Variants in AP2A2 observed in about 807,000 individuals in gnomAD.
The protein encoded by AP2A2 is AP-2 complex subunit alpha-2.
In AP2A2, 32 loss-of-function variants were observed where a neutral mutation model predicts 104.2. That is an observed-to-expected ratio of 0.31 (90% CI 0.23 to 0.41). The LOEUF (loss-of-function observed/expected upper bound fraction) is 0.41, where lower values mean the gene tolerates loss of function less well. Ranked by LOEUF, AP2A2 falls within the 10% of genes least tolerant of loss-of-function variation. AP2A2 has a pLI of 1.00. For synonymous variants in AP2A2, 539 were observed against 533.3 expected (o/e 1.01, Z -0.15); for missense variants, 912 against 1,261.0 (o/e 0.72, Z 4.19).
At chr11:932,611 A>G (rs1472590478) in intron 1 of AP2A2, 10 of 443,268 alleles carry the variant, frequency 2.3e-5, no homozygotes, top group Non-Finnish European at 3.6e-5. Context: ...ATGCTTCTGC[A>G]TAATGTGTGT....
At chr11:970,829 C>T (rs1056979098) in intron 3 of AP2A2, among the ~76,000 whole-genome samples, 2 of 152,220 alleles carry the variant, frequency 1.3e-5, no homozygotes, top group African/African-American at 2.4e-5. Flanking sequence ...GCTGGAGGCA[C>T]ATGGCTGGGT....
At position 969,219 on chromosome 11, in the gene AP2A2, C is replaced by CTTTTTTTTTTTTTTTTTTTT. The variant is rs1564799363; in HGVS notation, c.137-950_137-949insTTTTTTTTTTTTTTTTTTTT. Among the ~76,000 whole-genome samples, 5 of 112,812 alleles carry CTTTTTTTTTTTTTTTTTTTT rather than the reference C, an allele frequency of 4.4e-5. 2 individuals carry two copies. Among genetic ancestry groups the CTTTTTTTTTTTTTTTTTTTT allele is most frequent in the Non-Finnish European group, 3.7e-5 (2 of 54,346 alleles). 74.0% of individuals were successfully genotyped at this position (112,812 alleles called of 152,430 possible). ...GAAACTCCTGGCAATGTAGAACAGCCCTTTTTTTTTTTTTTTTTTTTTTTT... is the reference window on the plus strand; with the variant it reads ...GAAACTCCTGGCAATGTAGAACAGCCTTTTTTTTTTTTTTTTTTTTCTTTTTTTTTTTTTTTTTTTTTTTT... On this transcript the variant is annotated intron_variant, in intron 2 of 21. Coordinates refer to ENST00000448903, the MANE Select transcript of AP2A2 (RefSeq NM_012305.4).
chr11:965,647 C>T (rs1052979871), intron 2 of AP2A2, among the ~76,000 whole-genome samples: 1 of 152,184 alleles, frequency 6.6e-6, no homozygotes, highest in Non-Finnish European at 1.5e-5. Flanking sequence ...ACAGCAGGCC[C>T]GTCCAGATCT....
chr11:926,094 TGGCGGG>T lies in AP2A2; in HGVS notation c.67+12_67+17del. The stretch of plus-strand genomic sequence containing the variant: ...CATCTCGGATATCCGCAACTGTGAG[TGGCGGG>T]GGCGGCGTGGGGCCGGGGCCGGGGC... On this transcript the variant is annotated splice_region_variant and intron_variant, in intron 1 of 21. Transcript: ENST00000448903. 1 of 1,292,622 alleles carries T rather than the reference TGGCGGG, an allele frequency of 7.7e-7. No individual in the cohort carries two copies. 80.1% of individuals were successfully genotyped at this position (1,292,622 alleles called of 1,614,324 possible).
chr11:955,902 C>G lies in AP2A2; in HGVS notation c.68-3535C>G, dbSNP rs573260011. 7.3e-4 allele frequency among the ~76,000 whole-genome samples: 111 copies of G among 152,216 alleles called. 1 individual carries two copies. The highest frequency in any genetic ancestry group is 1.1e-3 in the Non-Finnish European group (78 of 68,036). ...TGAGCTCTTTGTCCTCTGATCTGTGCACACCAGGCCTGGCGGGGCCGCTTG... is the reference window on the plus strand; with the variant it reads ...TGAGCTCTTTGTCCTCTGATCTGTGGACACCAGGCCTGGCGGGGCCGCTTG... On this transcript the variant is annotated intron_variant, in intron 1 of 21. Coordinates refer to ENST00000448903, the MANE Select transcript of AP2A2 (RefSeq NM_012305.4).
intron 15 of AP2A2, among the ~76,000 whole-genome samples, chr11:1,001,095 G>A (rs1023085830): frequency 6.6e-5 from 10 of 152,136 alleles, no homozygotes; most frequent in Non-Finnish European, 1.0e-4. Context: ...TCACGCCTTC[G>A]GCCTCCACCC....
intron 1 of AP2A2, among the ~76,000 whole-genome samples, chr11:955,289 G>T (rs945386855): frequency 6.6e-6 from 1 of 152,256 alleles, no homozygotes; most frequent in Non-Finnish European, 1.5e-5. Flanking sequence ...GAAGCTGCCT[G>T]CAGGCTTTGT....
chr11:981,322 A>G (rs761466984), intron 6 of AP2A2, 23 bp downstream of exon 6: 33 of 1,558,960 alleles, frequency 2.1e-5, no homozygotes, highest in Middle Eastern at 3.3e-4. Context: ...GTGGGGGAGC[A>G]GAAGTCAGGG....
Position 1,008,060 on chromosome 11 carries a change from CGCAGGTGCA to C in AP2A2, c.2353_2361del (p.Gln785_Val787del). 6.3e-7 allele frequency: 1 copy of C among 1,586,176 alleles called. No individual in the cohort carries two copies. Among genetic ancestry groups the C allele is most frequent in the Non-Finnish European group, 8.6e-7 (1 of 1,167,010 alleles). ...GTGGACCCGACCGTGGAGGGGGGCG[CGCAGGTGCA>C]GCAGGTGGTCAACATAGAGTGCGTG... On this transcript the variant is annotated inframe_deletion, in exon 18 of 22. Transcript: ENST00000448903.
At position 972,265 on chromosome 11, in the gene AP2A2, G is replaced by A. The variant is rs1337847037; in HGVS notation, c.473+10G>A. 3 of 1,577,120 alleles carry A rather than the reference G, an allele frequency of 1.9e-6. No individual in the cohort carries two copies. Among genetic ancestry groups the A allele is most frequent in the Admixed American group, 1.8e-5 (1 of 55,058 alleles). Reference sequence around the variant, plus strand: ...AGGTCCTCGTAGCCGGGTATGTGCCGGGCTCGTGCCGGGCTCCTGCTGAAG... The same window carrying A: ...AGGTCCTCGTAGCCGGGTATGTGCCAGGCTCGTGCCGGGCTCCTGCTGAAG... On this transcript the variant is annotated intron_variant, in intron 4 of 21. Transcript: ENST00000448903.
At chr11:940,679 G>C (rs1853616666) in intron 1 of AP2A2, 3 of 374,748 alleles carry the variant, frequency 8.0e-6, no homozygotes, top group Non-Finnish European at 1.6e-5. Flanking sequence ...TGCTTTGAAT[G>C]CCTTTTGTGT....
intron 21 of AP2A2, 117 bp from the exon 22 acceptor site, chr11:1,010,431 G>C: frequency 5.3e-6 from 4 of 749,716 alleles, no homozygotes; most frequent in Non-Finnish European, 4.5e-6. Flanking sequence ...CGAGTTGTGG[G>C]TGCCTCCAGA....
chr11:994,669 G>C (rs1197949739), intron 14 of AP2A2, among the ~76,000 whole-genome samples: 4 of 136,174 alleles, frequency 2.9e-5, no homozygotes, highest in African/African-American at 1.1e-4. Context: ...ATGCCCCCCT[G>C]GCCTGTCCCG....
Position 975,339 on chromosome 11 carries a change from C to T in AP2A2, c.474-1756C>T, listed in dbSNP as rs539488584. 1.7e-4 allele frequency among the ~76,000 whole-genome samples: 25 copies of T among 149,188 alleles called. No homozygotes were observed. The South Asian group carries it at 4.1e-3, about 24-fold the overall frequency. On this transcript the variant is annotated intron_variant, in intron 4 of 21. Transcript: ENST00000448903. ...CCTCGGTCTCCCTCGTGTGAGCTGA[C>T]GTCGGAGAGTAGTGGTGGGGTCCTC...
At chr11:959,181 C>T (rs909978388) in intron 1 of AP2A2, among the ~76,000 whole-genome samples, 13 of 152,234 alleles carry the variant, frequency 8.5e-5, no homozygotes, top group East Asian at 5.8e-4. Context: ...GCGGCTGGCC[C>T]GGGCGGTTCA....
intron 1 of AP2A2, among the ~76,000 whole-genome samples, chr11:932,236 A>T (rs1853314911): frequency 6.6e-6 from 1 of 152,218 alleles, no homozygotes; most frequent in African/African-American, 2.4e-5. Flanking sequence ...TACAGGCGTG[A>T]GCCCCTGTGC....
chr11:958,200 A>G (rs1854300169), intron 1 of AP2A2, among the ~76,000 whole-genome samples: 1 of 152,234 alleles, frequency 6.6e-6, no homozygotes, highest in South Asian at 2.1e-4. Context: ...GCATGCGTCA[A>G]AGAAAGGCCA....
At chr11:994,785 C>A (rs1454403114) in intron 14 of AP2A2, among the ~76,000 whole-genome samples, 3 of 144,396 alleles carry the variant, frequency 2.1e-5, no homozygotes, top group African/African-American at 7.8e-5. Context: ...CTGCTGCACA[C>A]CCTGCTGGCC....
Position 1,006,515 on chromosome 11 carries a change from T to G in AP2A2, c.2207-13T>G. 1 of 1,604,480 alleles carries G rather than the reference T, an allele frequency of 6.2e-7. No individual in the cohort carries two copies. On this transcript the variant is annotated splice_polypyrimidine_tract_variant and intron_variant, in intron 16 of 21. Transcript: ENST00000448903. ...AATGGTGTGTGTGAAAAAATTGTTT[T>G]TGTTCCTTCTAGGTCGGATGTTTAT...
Sources: allele counts gnomAD v4.1 joint callset (sites outside exome capture counted in the v4.1 genomes callset), GRCh38; gene constraint gnomAD v4.1.1; transcripts MANE v1.5; gene names NCBI Gene and HGNC (gene_info 2026-07-23, HGNC 2026-07-21).